The following SDK1 variants were observed in gnomAD, a reference collection of about 807,000 sequenced individuals.
SDK1 encodes protein sidekick-1.
A neutral mutation model predicts 245.5 loss-of-function variants in SDK1; 157 were observed. That is an observed-to-expected ratio of 0.64 (90% CI 0.56 to 0.73). The LOEUF (loss-of-function observed/expected upper bound fraction) is 0.73. Among genes scored for constraint, SDK1 ranks in the 30% least tolerant of loss-of-function variants. The probability of loss-of-function intolerance (pLI) is 0.00; values close to 1 mark genes in which losing one functional copy is unlikely to be tolerated. For synonymous variants in SDK1, 1,647 were observed against 1,278.5 expected (o/e 1.29, Z -6.15); for missense variants, 3,583 against 3,002.3 (o/e 1.19, Z -4.52).
intron 1 of SDK1, among the ~76,000 whole-genome samples, chr7:3,348,946 A>G (rs934600189): frequency 3.3e-5 from 5 of 152,184 alleles, no homozygotes; most frequent in African/African-American, 7.2e-5. Flanking sequence ...GATGCCATGT[A>G]GCTTGTCATG....
chr7:4,061,113 T>G (rs539974459), intron 19 of SDK1, among the ~76,000 whole-genome samples: 19 of 152,346 alleles, frequency 1.2e-4, no homozygotes, highest in Middle Eastern at 3.4e-3. Flanking sequence ...TAGGATTGAC[T>G]TGGCAATGTG....
At chr7:3,761,801 CA>C (rs1409029548) in intron 4 of SDK1, among the ~76,000 whole-genome samples, 1 of 152,014 alleles carries the variant, frequency 6.6e-6, no homozygotes, top group East Asian at 1.9e-4. Flanking sequence ...TACAAACTGA[CA>C]ACAAAAATCA....
intron 1 of SDK1, among the ~76,000 whole-genome samples, chr7:3,493,140 A>T (rs1781914755): frequency 6.6e-6 from 1 of 151,958 alleles, no homozygotes; most frequent in Non-Finnish European, 1.5e-5. Context: ...TTTACTAGAG[A>T]CGGAGTTTCA....
chr7:3,458,785 T>A (rs528259334), intron 1 of SDK1, among the ~76,000 whole-genome samples: 1 of 152,288 alleles, frequency 6.6e-6, no homozygotes, highest in Admixed American at 6.5e-5. Context: ...TAGGACTCTT[T>A]CTACTTGCTC....
chr7:3,676,014 C>CT (rs1429145567), intron 4 of SDK1, among the ~76,000 whole-genome samples: 1 of 152,052 alleles, frequency 6.6e-6, no homozygotes, highest in Non-Finnish European at 1.5e-5. Flanking sequence ...TATTGAGTTT[C>CT]TTTTTTTGTG....
chr7:4,035,474 A>ATT (rs1174888686), intron 17 of SDK1, among the ~76,000 whole-genome samples: 1 of 152,130 alleles, frequency 6.6e-6, no homozygotes, highest in African/African-American at 2.4e-5. Context: ...AGAAAAAAAG[A>ATT]TTTTCAACTG....
intron 5 of SDK1, among the ~76,000 whole-genome samples, chr7:3,845,421 C>G (rs1279518494): frequency 2.2e-5 from 3 of 139,488 alleles, no homozygotes; most frequent in Non-Finnish European, 4.5e-5. Flanking sequence ...ACCCGGGTGG[C>G]AGAGGTTGCA....
chr7:3,317,997 G>C (rs551460950), intron 1 of SDK1, among the ~76,000 whole-genome samples: 1 of 152,206 alleles, frequency 6.6e-6, no homozygotes, highest in South Asian at 2.1e-4. Flanking sequence ...CAGCCCCCTA[G>C]TTCCCCCTGC....
intron 1 of SDK1, among the ~76,000 whole-genome samples, chr7:3,371,855 AG>A: frequency 6.6e-6 from 1 of 152,332 alleles, no homozygotes; most frequent in East Asian, 1.9e-4. Flanking sequence ...AAACCCTGAC[AG>A]TCGGCCAAAA....
chr7:3,880,438 C>T (rs1218180063), intron 5 of SDK1, among the ~76,000 whole-genome samples: 1 of 152,090 alleles, frequency 6.6e-6, no homozygotes, highest in African/African-American at 2.4e-5. Context: ...GCAGCAGGAG[C>T]CCGGCCCGCG....
chr7:3,436,826 T>G (rs536496422), intron 1 of SDK1, among the ~76,000 whole-genome samples: 4 of 152,166 alleles, frequency 2.6e-5, no homozygotes, highest in Admixed American at 6.5e-5. Context: ...GCCAGAAGAA[T>G]GTTAAACTGC....
chr7:3,917,743 A>G (rs562768080), intron 5 of SDK1, among the ~76,000 whole-genome samples: 27 of 152,298 alleles, frequency 1.8e-4, no homozygotes, highest in African/African-American at 6.3e-4. Flanking sequence ...GAGACTTCCT[A>G]GACATGAATT....
intron 35 of SDK1, among the ~76,000 whole-genome samples, chr7:4,197,519 C>T (rs986870015): frequency 1.3e-5 from 2 of 152,096 alleles, no homozygotes; most frequent in Non-Finnish European, 2.9e-5. Context: ...AACATTCTTC[C>T]ACAAGGAGAA....
Position 3,764,410 on chromosome 7 carries a change from G to A in SDK1, c.714-57040G>A, listed in dbSNP as rs551244667. 1.1e-3 allele frequency among the ~76,000 whole-genome samples: 173 copies of A among 152,270 alleles called. 1 individual carries two copies. The highest frequency in any genetic ancestry group is 4.0e-3 in the African/African-American group (168 of 41,550). The stretch of plus-strand genomic sequence containing the variant: ...GATTAAAATAACCATCCTAGGCCGG[G>A]CACAGTGACTCATGCCTGTAATCCC... On this transcript the variant is annotated intron_variant, in intron 4 of 44. Coordinates refer to ENST00000404826, the MANE Select transcript of SDK1 (RefSeq NM_152744.4).
At chr7:3,980,518 G>A (rs551395527) in intron 13 of SDK1, among the ~76,000 whole-genome samples, 3 of 152,258 alleles carry the variant, frequency 2.0e-5, no homozygotes, top group South Asian at 2.1e-4. Flanking sequence ...ATGCTTCGAC[G>A]CAATCTATCC....
At chr7:4,027,765 G>A (rs1446780864) in intron 17 of SDK1, among the ~76,000 whole-genome samples, 2 of 152,114 alleles carry the variant, frequency 1.3e-5, no homozygotes, top group African/African-American at 2.4e-5. Flanking sequence ...ATAAAAATGT[G>A]TGTCTCTCTC....
intron 5 of SDK1, among the ~76,000 whole-genome samples, chr7:3,845,426 G>T (rs935309614): frequency 6.9e-6 from 1 of 145,662 alleles, no homozygotes; most frequent in Non-Finnish European, 1.5e-5. Context: ...GGTGGCAGAG[G>T]TTGCAGTGAG....
At chr7:3,574,644 C>G (rs1780227837) in intron 1 of SDK1, among the ~76,000 whole-genome samples, 1 of 152,074 alleles carries the variant, frequency 6.6e-6, no homozygotes, top group Middle Eastern at 3.2e-3. Context: ...CCGCATCATT[C>G]CCCTCCACGC....
chr7:3,970,485 A>G (rs1049892961), intron 11 of SDK1, among the ~76,000 whole-genome samples: 1 of 152,216 alleles, frequency 6.6e-6, no homozygotes, highest in Non-Finnish European at 1.5e-5. Context: ...GTAACCATAC[A>G]TTTAACCCAT....
Sources: allele counts gnomAD v4.1 joint callset (sites outside exome capture counted in the v4.1 genomes callset), GRCh38; gene constraint gnomAD v4.1.1; transcripts MANE v1.5; gene names NCBI Gene and HGNC (gene_info 2026-07-23, HGNC 2026-07-21).